Variants in PM20D2 observed in about 807,000 individuals in gnomAD.
PM20D2 encodes peptidase M20 domain containing 2.
PM20D2 carries 33 observed loss-of-function variants against 42.9 expected under a neutral mutation model. That is an observed-to-expected ratio of 0.77 (90% CI 0.58 to 1.03). The LOEUF (loss-of-function observed/expected upper bound fraction) is 1.03. Among genes scored for constraint, PM20D2 ranks in the 50% least tolerant of loss-of-function variants. PM20D2 has a pLI of 0.00. For missense variants in PM20D2, 548 were observed against 557.0 expected (o/e 0.98, Z 0.16); for synonymous variants, 250 against 228.2 (o/e 1.10, Z -0.86).
the PM20D2 span, among the ~76,000 whole-genome samples, chr6:89,118,941 C>G: frequency 1.3e-5 from 2 of 152,248 alleles, no homozygotes; most frequent in Non-Finnish European, 2.9e-5. Context: ...TCGTCTTCGC[C>G]TTGCTCCTGT....
chr6:89,149,138 G>T, intron 1 of PM20D2, 127 bp from the exon 2 acceptor site: 1 of 1,206,424 alleles, frequency 8.3e-7, no homozygotes, highest in South Asian at 1.6e-5. Context: ...AAGCGTCATA[G>T]AACAAAACCT....
chr6:89,160,336 G>A (rs1193932413), intron 5 of PM20D2, among the ~76,000 whole-genome samples: 1 of 152,086 alleles, frequency 6.6e-6, no homozygotes, highest in Non-Finnish European at 1.5e-5. Flanking sequence ...CATAAGCCTT[G>A]GTTTCTTCAT....
chr6:89,157,881 C>T (rs1019590020), intron 4 of PM20D2, among the ~76,000 whole-genome samples: 31 of 152,178 alleles, frequency 2.0e-4, no homozygotes, highest in Non-Finnish European at 3.4e-4. Context: ...GTGGCAGGCG[C>T]CTGTAATCCC....
the PM20D2 span, among the ~76,000 whole-genome samples, chr6:89,094,986 G>A: frequency 6.6e-6 from 1 of 151,994 alleles, no homozygotes; most frequent in South Asian, 2.1e-4. Context: ...TGGGAGTCAT[G>A]GACTTGTTTC....
Position 89,151,883 on chromosome 6 carries a change from T to G in PM20D2, c.615-1160T>G, listed in dbSNP as rs533995339. Among the ~76,000 whole-genome samples, 34 of 151,774 alleles carry G rather than the reference T, an allele frequency of 2.2e-4. No individual in the cohort carries two copies. The East Asian group carries it at 6.6e-3, about 30-fold the overall frequency. ...CAGGAGAGTCTCTTGAGCCCAGGAG[T>G]TCATGACCAGCCTGGGCAACATGGT... is the stretch of plus-strand genomic sequence containing the variant. On this transcript the variant is annotated intron_variant, in intron 2 of 6. Coordinates refer to ENST00000275072, the MANE Select transcript of PM20D2 (RefSeq NM_001010853.3).
At chr6:89,096,470 G>A in the PM20D2 span, 1 of 152,190 alleles carries the variant, frequency 6.6e-6, no homozygotes, top group African/African-American at 2.4e-5. Context: ...GCTCAAAAGA[G>A]TTTGAGCTAT....
At chr6:89,107,220 G>C in the PM20D2 span, 1 of 1,613,920 alleles carries the variant, frequency 6.2e-7, no homozygotes, top group Non-Finnish European at 8.5e-7. Context: ...GTCTACTATA[G>C]GGCCATATCG....
In PM20D2 at chr6:89,153,443, A is replaced by T. The variant is rs573518402; in HGVS notation, c.757+258A>T. The stretch of plus-strand genomic sequence containing the variant: ...GTATCAAAGATAAAGGTTTTATGTA[A>T]GGGGCTGTGTTCTTTCGGTGGGTGT... On this transcript the variant is annotated intron_variant, in intron 3 of 6. Coordinates refer to ENST00000275072, the MANE Select transcript of PM20D2 (RefSeq NM_001010853.3). 4.6e-5 allele frequency among the ~76,000 whole-genome samples: 7 copies of T among 152,220 alleles called. No homozygotes were observed. In the South Asian group the frequency reaches 1.2e-3, roughly 27 times the overall value.
intron 1 of PM20D2, 38 bp downstream of exon 1, chr6:89,146,647 C>T (rs545218274): frequency 5.6e-5 from 76 of 1,365,900 alleles, no homozygotes; most frequent in Admixed American, 7.4e-5. Flanking sequence ...TATCCGACTG[C>T]CCGGGTCGGG....
At chr6:89,114,944 G>A in the PM20D2 span, among the ~76,000 whole-genome samples, 2 of 151,334 alleles carry the variant, frequency 1.3e-5, no homozygotes, top group Non-Finnish European at 2.9e-5. Context: ...TCACAGGCAC[G>A]CACCACCATG....
Position 89,162,240 on chromosome 6 carries a change from C to A in PM20D2, c.1288C>A (p.Gln430Lys), listed in dbSNP as rs753615563. Residue 430 changes from glutamine (Q) to lysine (K), a missense_variant, in exon 7 of 7, where the codon CAG (glutamine) becomes AAG (lysine). Physicochemically the swap from Gln to Lys is moderately conservative, Grantham distance 53. Around this residue, in one of 3 missense-constraint regions of PM20D2, gnomAD observed 71 missense variants for 69.7 expected, o/e 1.02. Coordinates refer to ENST00000275072, the MANE Select transcript of PM20D2 (RefSeq NM_001010853.3). ...CTTTAAACTGAAACTTCAAGAAGAA[C>A]AGTTTGTAAATGCAGTAGAATAAAA... ...EDFKLKLQEE[Q>K]FVNAVE is the part of the protein sequence containing the mutation. 1 of 1,613,576 alleles carries A rather than the reference C, an allele frequency of 6.2e-7. No individual in the cohort carries two copies. Among genetic ancestry groups the A allele is most frequent in the Admixed American group, 1.7e-5 (1 of 59,914 alleles).
the PM20D2 span, among the ~76,000 whole-genome samples, chr6:89,129,754 G>C: frequency 1.1e-4 from 16 of 151,434 alleles, 2 homozygotes; most frequent in Admixed American, 3.9e-4. Context: ...ACTGTACCTG[G>C]CTAATTTGAG....
chr6:89,102,207 G>A, the PM20D2 span, among the ~76,000 whole-genome samples: 2 of 151,872 alleles, frequency 1.3e-5, no homozygotes, highest in South Asian at 2.1e-4. Flanking sequence ...GCAGTGGGGC[G>A]AGCTTGGCTC....
At chr6:89,140,549 T>C in the PM20D2 span, among the ~76,000 whole-genome samples, 1 of 152,192 alleles carries the variant, frequency 6.6e-6, no homozygotes, top group Non-Finnish European at 1.5e-5. Context: ...CTCTAGATGT[T>C]GTATAGAGGA....
chr6:89,162,187 CAG>C lies in PM20D2; in HGVS notation c.1238_1239del (p.Glu413ValfsTer10). On this transcript the variant is annotated frameshift_variant, in exon 7 of 7. Coordinates refer to ENST00000275072, the MANE Select transcript of PM20D2 (RefSeq NM_001010853.3). LOFTEE classifies it high-confidence loss of function. ...ACGGCACTGGATGTTATTTTTAAAC[CAG>C]AGTTACTGGAAGGAATCAGAGAGGA... The C allele has an allele frequency of 1.9e-6, 3 of 1,614,036 alleles. No individual in the cohort carries two copies. Among genetic ancestry groups the C allele is most frequent in the Non-Finnish European group, 2.5e-6 (3 of 1,179,878 alleles).
the PM20D2 span, among the ~76,000 whole-genome samples, chr6:89,125,043 A>C: frequency 6.6e-6 from 1 of 151,952 alleles, no homozygotes; most frequent in Non-Finnish European, 1.5e-5. Flanking sequence ...GGCCCCATCA[A>C]GATTTTTTAA....
the PM20D2 span, among the ~76,000 whole-genome samples, chr6:89,125,783 C>CA: frequency 0.64 from 92,038 of 143,182 alleles, 29,913 homozygotes; most frequent in South Asian, 0.76. Flanking sequence ...AACTCTGTCT[C>CA]AAAAAAAAAA....
chr6:89,144,192 G>A (rs1271673610), upstream of PM20D2, among the ~76,000 whole-genome samples: 2 of 110,526 alleles, frequency 1.8e-5, no homozygotes, highest in Non-Finnish European at 3.3e-5. Context: ...TATACACAAG[G>A]AACAGAGCTT....
chr6:89,134,101 G>A, the PM20D2 span, among the ~76,000 whole-genome samples: 1 of 151,250 alleles, frequency 6.6e-6, no homozygotes, highest in Admixed American at 6.5e-5. Context: ...TAGAGTTGCA[G>A]CCTCGGCCCT....
Sources: allele counts gnomAD v4.1 joint callset (sites outside exome capture counted in the v4.1 genomes callset), GRCh38; gene constraint gnomAD v4.1.1; regional missense constraint gnomAD v4.1.1; transcripts MANE v1.5; gene names NCBI Gene and HGNC (gene_info 2026-07-23, HGNC 2026-07-21).